Variants in SVOPL observed in about 807,000 individuals in gnomAD.
The protein encoded by SVOPL is SVOP like.
Under a neutral mutation model 61.0 loss-of-function variants are expected in SVOPL, and 60 were observed. That is an observed-to-expected ratio of 0.98 (90% confidence interval 0.80 to 1.22). SVOPL has a LOEUF of 1.22. Among genes scored for constraint, SVOPL ranks in the 50% most tolerant of loss-of-function variants. The pLI is 0.00. For synonymous variants in SVOPL, 279 were observed against 250.0 expected (o/e 1.12, Z -1.09); for missense variants, 662 against 643.9 (o/e 1.03, Z -0.30).
intron 1 of SVOPL, among the ~76,000 whole-genome samples, chr7:138,695,219 G>C (rs904059895): frequency 5.9e-5 from 9 of 152,140 alleles, no homozygotes; most frequent in African/African-American, 2.2e-4. Flanking sequence ...GTGGAAGAAA[G>C]ACAAGCATTC....
intron 7 of SVOPL, among the ~76,000 whole-genome samples, chr7:138,654,556 G>A (rs995469408): frequency 7.2e-6 from 1 of 139,630 alleles, no homozygotes; most frequent in African/African-American, 2.7e-5. Context: ...CTGGAATGCT[G>A]TGGTGCAATC....
At chr7:138,631,960 T>TCACACACACA (rs756332176) in intron 9 of SVOPL, among the ~76,000 whole-genome samples, 5,888 of 146,948 alleles carry the variant, frequency 0.04, 135 homozygotes, top group Non-Finnish European at 0.048. Context: ...TGCTCTGATA[T>TCACACACACA]CACACACACA....
rs145183727 is a variant in SVOPL at position 138,649,124 on chromosome 7, G to A, written c.548C>T (p.Ala183Val). ...MLPLSQVFWL[A>V]GSLLIIGLAS... is the part of the protein sequence containing the mutation. ...CAAGCCAATGATGAGCAGGGAGCCCGCAAGCCAGAACACCTAGGAAGAGAG... is the reference window on the plus strand; with the variant it reads ...CAAGCCAATGATGAGCAGGGAGCCCACAAGCCAGAACACCTAGGAAGAGAG... The change falls in exon 8 of 16, where the codon GCG becomes GTG. Residue 183 changes from alanine (A) to valine (V), a missense_variant. Physicochemically the swap from Ala to Val is moderately conservative, Grantham distance 64. Coordinates refer to ENST00000674285, the MANE Select transcript of SVOPL (RefSeq NM_001139456.2). The A allele has an allele frequency of 3.7e-5, 60 of 1,613,146 alleles. No homozygotes were observed. Among genetic ancestry groups the A allele is most frequent in the African/African-American group, 2.0e-4 (15 of 74,736 alleles).
chr7:138,626,980 G>C (rs1799921735), intron 12 of SVOPL, among the ~76,000 whole-genome samples: 1 of 152,176 alleles, frequency 6.6e-6, no homozygotes, highest in South Asian at 2.1e-4. Context: ...GAAATGAGCA[G>C]AAGGCACAAA....
intron 14 of SVOPL, 171 bp from the exon 15 acceptor site, chr7:138,596,701 A>C: frequency 7.5e-7 from 1 of 1,332,816 alleles, no homozygotes; most frequent in South Asian, 1.8e-5. Flanking sequence ...TGGTGTAGTC[A>C]TTTTGTGTGA....
intron 1 of SVOPL, among the ~76,000 whole-genome samples, chr7:138,690,236 G>A (rs1442969914): frequency 2.0e-5 from 3 of 152,264 alleles, no homozygotes; most frequent in Non-Finnish European, 4.4e-5. Context: ...ACGTGTCCAC[G>A]CAAACACTCA....
chr7:138,625,205 T>C (rs1336432328), intron 13 of SVOPL: 1 of 152,240 alleles, frequency 6.6e-6, no homozygotes, highest in Non-Finnish European at 1.5e-5. Flanking sequence ...AATTCAAACA[T>C]CTCATAGCTT....
At chr7:138,600,197 A>T (rs1017306808) in intron 14 of SVOPL, among the ~76,000 whole-genome samples, 1 of 152,244 alleles carries the variant, frequency 6.6e-6, no homozygotes, top group Non-Finnish European at 1.5e-5. Flanking sequence ...ATTTAATAAA[A>T]TATGACGATA....
chr7:138,644,826 C>A lies in SVOPL; in HGVS notation c.680G>T (p.Arg227Leu), dbSNP rs144481050. Reference protein sequence around the residue: ...VAFKFIPESARFNVSTGNTRA... With the variant: ...VAFKFIPESALFNVSTGNTRA... ...AGTGTTCCCAGTGGAGACATTGAAC[C>A]GGGCAGATTCAGGAATAAACTGGGT... Residue 227 changes from arginine (R) to leucine (L), a missense_variant, in exon 9 of 16, where the codon CGG becomes CTG. Coordinates refer to ENST00000674285, the MANE Select transcript of SVOPL (RefSeq NM_001139456.2). The A allele has an allele frequency of 2.2e-4, 351 of 1,614,030 alleles. No homozygotes were observed. Among genetic ancestry groups the A allele is most frequent in the Non-Finnish European group, 2.7e-4 (317 of 1,180,048 alleles).
rs79675728 is a variant in SVOPL at position 138,697,967 on chromosome 7, A to G, written c.-35+3211T>C. On this transcript the variant is annotated intron_variant, in intron 1 of 15. Coordinates refer to ENST00000674285, the MANE Select transcript of SVOPL (RefSeq NM_001139456.2). The stretch of plus-strand genomic sequence containing the variant: ...ATGCCAACTAAATTAACAAACATGG[A>G]AAAGAAAGAAGGAAGAAAGGACAGA... Among the ~76,000 whole-genome samples the G allele has an allele frequency of 1.4e-3, 206 of 152,170 alleles. 2 individuals carry two copies. In the East Asian group the frequency reaches 0.035, roughly 26 times the overall value.
chr7:138,660,046 C>G, intron 5 of SVOPL, 58 bp from the exon 6 acceptor site: 7 of 1,540,024 alleles, frequency 4.5e-6, no homozygotes, highest in Non-Finnish European at 5.3e-6. Flanking sequence ...AGGGAAGAAG[C>G]CCTAACTTCT....
chr7:138,607,012 TTAAC>T (rs1355762523), intron 14 of SVOPL, among the ~76,000 whole-genome samples: 1 of 141,664 alleles, frequency 7.1e-6, no homozygotes, highest in Non-Finnish European at 1.6e-5. Flanking sequence ...AACTGTCTGC[TTAAC>T]TGTTTTTTGT....
At chr7:138,607,722 G>A (rs1036274981) in intron 14 of SVOPL, among the ~76,000 whole-genome samples, 2 of 152,186 alleles carry the variant, frequency 1.3e-5, no homozygotes, top group African/African-American at 4.8e-5. Flanking sequence ...CTGGAAAGAG[G>A]AGAAAAGCAG....
chr7:138,651,232 G>A (rs1181868452), intron 7 of SVOPL, among the ~76,000 whole-genome samples: 2 of 152,168 alleles, frequency 1.3e-5, no homozygotes, highest in African/African-American at 2.4e-5. Context: ...CTAGGCTTCT[G>A]TCATTCCAGT....
rs59400217 is a variant in SVOPL at position 138,602,441 on chromosome 7, CTATATATATATATATATATATATA to C, written c.1354-5935_1354-5912del. On this transcript the variant is annotated intron_variant, in intron 14 of 15. Transcript: ENST00000674285. ...GATTATTAGTGAGAAAAGGCAGTTG[CTATATATATATATATATATATATA>C]TATATATATATGTAGATGTGTGTGT... Among the ~76,000 whole-genome samples, 15 of 140,752 alleles carry C rather than the reference CTATATATATATATATATATATATA, an allele frequency of 1.1e-4. No homozygotes were observed. In the East Asian group the frequency reaches 1.7e-3, roughly 16 times the overall value. The allele number at this position is 140,752 out of a possible 152,430, so 92.3% of individuals were successfully genotyped here. A position where few individuals can be genotyped will look rare whatever the true frequency, so the allele number is the denominator to read the frequency against.
chr7:138,616,935 T>C (rs185645100), intron 14 of SVOPL, among the ~76,000 whole-genome samples: 19 of 152,298 alleles, frequency 1.2e-4, no homozygotes, highest in Admixed American at 1.2e-3. Flanking sequence ...TATAGGTGCA[T>C]GCCATCATGC....
chr7:138,636,606 G>C (rs972481358), intron 9 of SVOPL, among the ~76,000 whole-genome samples: 2 of 151,912 alleles, frequency 1.3e-5, no homozygotes, highest in African/African-American at 2.4e-5. Flanking sequence ...AAGTAGCTGG[G>C]ATTACAGGTG....
At chr7:138,609,402 T>G (rs1798893647) in intron 14 of SVOPL, among the ~76,000 whole-genome samples, 1 of 151,416 alleles carries the variant, frequency 6.6e-6, no homozygotes, top group African/African-American at 2.4e-5. Context: ...ATCCCAGCAC[T>G]TTAGGAGCCA....
chr7:138,668,886 A>G (rs960337311), intron 4 of SVOPL, among the ~76,000 whole-genome samples: 5 of 152,122 alleles, frequency 3.3e-5, no homozygotes, highest in African/African-American at 1.2e-4. Flanking sequence ...GGCCTCTGCC[A>G]CCTGACTGCC....
Sources: gnomAD v4.1 joint callset for allele counts (sites outside exome capture counted in the v4.1 genomes callset) on GRCh38, gnomAD v4.1.1 for gene constraint, MANE v1.5 for transcripts, NCBI Gene and HGNC (gene_info 2026-07-23, HGNC 2026-07-21) for gene names.